Variants in SLC1A1 observed in about 807,000 individuals in gnomAD.
The protein encoded by SLC1A1 is solute carrier family 1 member 1.
Under a neutral mutation model 53.3 loss-of-function variants are expected in SLC1A1, and 43 were observed. The ratio of observed to expected loss-of-function variants is 0.81; its 90% CI spans 0.63 to 1.04. SLC1A1 has a LOEUF of 1.04. Ranked by LOEUF, SLC1A1 falls within the 50% of genes least tolerant of loss-of-function variation. The probability of loss-of-function intolerance (pLI) is 0.00; values close to 1 mark genes in which losing one functional copy is unlikely to be tolerated. For missense variants in SLC1A1, 748 were observed against 664.9 expected (o/e 1.12, Z -1.37); for synonymous variants, 307 against 243.2 (o/e 1.26, Z -2.44).
intron 2 of SLC1A1, chr9:4,554,284 C>T (rs1391578540): frequency 2.6e-5 from 4 of 152,244 alleles, no homozygotes; most frequent in African/African-American, 9.6e-5. Context: ...ACCTGTTAGT[C>T]ATTCAATCAG....
chr9:4,500,158 C>T (rs754248931), intron 1 of SLC1A1, among the ~76,000 whole-genome samples: 13 of 152,122 alleles, frequency 8.5e-5, no homozygotes, highest in Non-Finnish European at 1.8e-4. Flanking sequence ...GCAAATTTCC[C>T]GTGTCGCTGG....
At chr9:4,499,803 G>A (rs943204305) in intron 1 of SLC1A1, among the ~76,000 whole-genome samples, 7 of 152,190 alleles carry the variant, frequency 4.6e-5, no homozygotes, top group Non-Finnish European at 1.0e-4. Context: ...CTACAAAATT[G>A]AAGTTGCTCA....
intron 10 of SLC1A1, among the ~76,000 whole-genome samples, chr9:4,581,210 C>A (rs1487702973): frequency 2.0e-5 from 3 of 152,208 alleles, no homozygotes; most frequent in African/African-American, 4.8e-5. Context: ...CCCTCCAAGT[C>A]ACAAGCCATC....
chr9:4,502,883 A>G (rs1820683573), intron 1 of SLC1A1, among the ~76,000 whole-genome samples: 1 of 151,620 alleles, frequency 6.6e-6, no homozygotes, highest in South Asian at 2.1e-4. Context: ...GCGTGTGGTT[A>G]GTCCTTTCCG....
intron 1 of SLC1A1, among the ~76,000 whole-genome samples, chr9:4,521,329 A>C (rs17812396): frequency 0.034 from 5,144 of 152,258 alleles, 147 homozygotes; most frequent in South Asian, 0.057. Flanking sequence ...GGTCATCAGG[A>C]TTTATGCTCA....
intron 1 of SLC1A1, among the ~76,000 whole-genome samples, chr9:4,534,057 G>T (rs1192339455): frequency 2.0e-5 from 3 of 152,180 alleles, no homozygotes; most frequent in African/African-American, 7.2e-5. Flanking sequence ...CACGTTCAAA[G>T]CAGTGTGTAG....
intron 6 of SLC1A1, among the ~76,000 whole-genome samples, chr9:4,569,178 C>T (rs986028481): frequency 1.3e-5 from 2 of 152,182 alleles, no homozygotes; most frequent in East Asian, 1.9e-4. Flanking sequence ...CATAAGCATG[C>T]AATGCAGGCC....
chr9:4,565,609 A>AC (rs888361583), intron 4 of SLC1A1, among the ~76,000 whole-genome samples: 3 of 151,816 alleles, frequency 2.0e-5, no homozygotes, highest in Non-Finnish European at 4.4e-5. Flanking sequence ...GGGAGAAACC[A>AC]CCCCCCATGA....
At chr9:4,531,328 G>T (rs1251879973) in intron 1 of SLC1A1, among the ~76,000 whole-genome samples, 1 of 152,190 alleles carries the variant, frequency 6.6e-6, no homozygotes, top group Non-Finnish European at 1.5e-5. Flanking sequence ...GGTGACAGAT[G>T]GCACCTGGAA....
At chr9:4,584,644 C>T (rs999511329) in intron 11 of SLC1A1, among the ~76,000 whole-genome samples, 1 of 152,176 alleles carries the variant, frequency 6.6e-6, no homozygotes, top group Non-Finnish European at 1.5e-5. Flanking sequence ...AAAATGGATC[C>T]TCTCCTCTGC....
chr9:4,540,363 C>T (rs1191004400), intron 1 of SLC1A1, among the ~76,000 whole-genome samples: 1 of 152,136 alleles, frequency 6.6e-6, no homozygotes, highest in Non-Finnish European at 1.5e-5. Flanking sequence ...AACAAGAGCT[C>T]GGGTGCCATG....
chr9:4,526,443 G>C (rs974485774), intron 1 of SLC1A1, among the ~76,000 whole-genome samples: 1 of 152,126 alleles, frequency 6.6e-6, no homozygotes, highest in East Asian at 1.9e-4. Flanking sequence ...ACAAACTGAC[G>C]TGAGTAGTAG....
At chr9:4,546,399 T>C (rs1374848645) in intron 2 of SLC1A1, among the ~76,000 whole-genome samples, 1 of 152,156 alleles carries the variant, frequency 6.6e-6, no homozygotes, top group Admixed American at 6.5e-5. Flanking sequence ...AAAGATTTCA[T>C]GTAAATATCC....
At chr9:4,517,093 TAAATA>T (rs1402632247) in intron 1 of SLC1A1, among the ~76,000 whole-genome samples, 9 of 152,200 alleles carry the variant, frequency 5.9e-5, no homozygotes, top group African/African-American at 2.2e-4. Context: ...ATCAGATGAT[TAAATA>T]AAATAACGTA....
intron 1 of SLC1A1, among the ~76,000 whole-genome samples, chr9:4,513,353 A>C (rs1289550704): frequency 6.6e-6 from 1 of 152,216 alleles, no homozygotes; most frequent in African/African-American, 2.4e-5. Flanking sequence ...CTCAAAACTA[A>C]GTAATAAGAA....
chr9:4,534,176 A>C (rs1816586025), intron 1 of SLC1A1, among the ~76,000 whole-genome samples: 1 of 152,184 alleles, frequency 6.6e-6, no homozygotes, highest in African/African-American at 2.4e-5. Context: ...AAACACATTC[A>C]AAAGCTAGCA....
chr9:4,571,087 C>T (rs373461954), intron 6 of SLC1A1, among the ~76,000 whole-genome samples: 20 of 152,132 alleles, frequency 1.3e-4, no homozygotes, highest in South Asian at 6.2e-4. Flanking sequence ...GTAAGGGACA[C>T]GGATGGAGCT....
intron 1 of SLC1A1, among the ~76,000 whole-genome samples, chr9:4,504,950 G>A (rs1263236819): frequency 2.0e-5 from 3 of 151,728 alleles, no homozygotes; most frequent in Non-Finnish European, 4.4e-5. Flanking sequence ...ATATTTAACT[G>A]TCATGAAATA....
At chr9:4,521,989 C>T (rs1227809348) in intron 1 of SLC1A1, among the ~76,000 whole-genome samples, 1 of 151,312 alleles carries the variant, frequency 6.6e-6, no homozygotes, top group Non-Finnish European at 1.5e-5. Flanking sequence ...CTTGCTAGGC[C>T]CATTTCCTTC....
Sources: allele counts gnomAD v4.1 joint callset (sites outside exome capture counted in the v4.1 genomes callset), GRCh38; gene constraint gnomAD v4.1.1; transcripts MANE v1.5; gene names NCBI Gene and HGNC (gene_info 2026-07-23, HGNC 2026-07-21).